Variants in ARSG observed in about 807,000 individuals in gnomAD.
The protein encoded by ARSG is ASG.
Under a neutral mutation model 50.5 loss-of-function variants are expected in ARSG, and 37 were observed. The ratio of observed to expected loss-of-function variants is 0.73; its 90% CI spans 0.56 to 0.96. ARSG has a LOEUF of 0.96. Ranked by LOEUF, ARSG falls within the 50% of genes least tolerant of loss-of-function variation. The probability of loss-of-function intolerance (pLI) is 0.00; values close to 1 mark genes in which losing one functional copy is unlikely to be tolerated. For missense variants in ARSG, 629 were observed against 675.3 expected, an observed-to-expected ratio of 0.93 and a Z score of 0.76; for synonymous variants, 225 against 254.6, an observed-to-expected ratio of 0.88 and a Z score of 1.11.
At chr17:68,382,466 A>G (rs1249560254) in intron 8 of ARSG, among the ~76,000 whole-genome samples, 1 of 152,230 alleles carries the variant, frequency 6.6e-6, no homozygotes, top group Non-Finnish European at 1.5e-5. Context: ...TGTTGTTATT[A>G]CTATTATGTT....
At chr17:68,429,879 G>T in the ARSG span, 1 of 1,472,132 alleles carries the variant, frequency 6.8e-7, no homozygotes, top group Non-Finnish European at 9.4e-7. Context: ...GTAAGCCACC[G>T]TGCCCAGCCT....
chr17:68,439,700 G>T, the ARSG span, among the ~76,000 whole-genome samples: 1 of 152,314 alleles, frequency 6.6e-6, no homozygotes, highest in Non-Finnish European at 1.5e-5. Context: ...GTTAGAGATA[G>T]GCTGAGGACA....
At chr17:68,288,283 A>C (rs561680465), upstream of ARSG, among the ~76,000 whole-genome samples, 3 of 152,284 alleles carry the variant, frequency 2.0e-5, no homozygotes, top group South Asian at 6.2e-4. Flanking sequence ...TACAGGCGTG[A>C]GCCACTGTGC....
intron 8 of ARSG, among the ~76,000 whole-genome samples, chr17:68,376,322 G>C (rs1362767091): frequency 7.0e-6 from 1 of 142,888 alleles, no homozygotes; most frequent in Non-Finnish European, 1.5e-5. Context: ...TGTTGCCCAG[G>C]CTGGAGTGCA....
chr17:68,426,136 A>G, downstream of ARSG: 1 of 1,612,002 alleles, frequency 6.2e-7, no homozygotes, highest in Non-Finnish European at 8.5e-7. Context: ...ATGTTCAGGA[A>G]TAACTTCTCC....
At chr17:68,407,232 C>T (rs1345306003) in intron 11 of ARSG, among the ~76,000 whole-genome samples, 1 of 152,018 alleles carries the variant, frequency 6.6e-6, no homozygotes, top group African/African-American at 2.4e-5. Flanking sequence ...GGTCTATGTG[C>T]CTATTTTTAT....
At chr17:68,404,780 T>C (rs1318142808) in intron 11 of ARSG, among the ~76,000 whole-genome samples, 1 of 152,202 alleles carries the variant, frequency 6.6e-6, no homozygotes, top group Non-Finnish European at 1.5e-5. Context: ...GTTGTGAAGA[T>C]TTTGTCATAT....
chr17:68,393,985 AT>A, intron 9 of ARSG, among the ~76,000 whole-genome samples: 1 of 150,908 alleles, frequency 6.6e-6, no homozygotes, highest in Non-Finnish European at 1.5e-5. Context: ...TAGAGATGGG[AT>A]TTTGCCCTAT....
Position 68,385,210 on chromosome 17 carries a change from G to C in ARSG, c.1091+38G>C, listed in dbSNP as rs190250674. Reference sequence around the variant, plus strand: ...AACTACCTTGAGATGTTGGGGCCCAGAGCAAGAAAAGTCATGGAGGCATGG... The same window carrying C: ...AACTACCTTGAGATGTTGGGGCCCACAGCAAGAAAAGTCATGGAGGCATGG... On this transcript the variant is annotated intron_variant, in intron 9 of 11. Transcript: ENST00000621439. 6 of 1,593,796 alleles carry C rather than the reference G, an allele frequency of 3.8e-6. No homozygotes were observed. In the African/African-American group the frequency reaches 6.7e-5, roughly 18 times the overall value.
chr17:68,388,591 G>A (rs537490659), intron 9 of ARSG, among the ~76,000 whole-genome samples: 5 of 152,218 alleles, frequency 3.3e-5, no homozygotes, highest in African/African-American at 9.6e-5. Context: ...GCAATTATGA[G>A]GTGACCAGAA....
intron 2 of ARSG, among the ~76,000 whole-genome samples, chr17:68,324,004 T>C (rs1421604330): frequency 7.2e-6 from 1 of 138,080 alleles, no homozygotes; most frequent in Non-Finnish European, 1.5e-5. Context: ...AACTGGGAAG[T>C]GGAGGTTGCA....
intron 5 of ARSG, among the ~76,000 whole-genome samples, chr17:68,353,487 C>CT (rs1205148456): frequency 6.6e-6 from 1 of 152,070 alleles, no homozygotes; most frequent in Admixed American, 6.6e-5. Flanking sequence ...GCACTTCACC[C>CT]TGGGTGACAG....
chr17:68,290,008 A>T (rs539117357), upstream of ARSG, among the ~76,000 whole-genome samples: 43 of 152,296 alleles, frequency 2.8e-4, no homozygotes, highest in African/African-American at 8.9e-4. Context: ...GGACATGGGG[A>T]GATGCATGGT....
intron 2 of ARSG, among the ~76,000 whole-genome samples, chr17:68,331,241 C>A (rs62087159): frequency 1.2e-5 from 1 of 82,546 alleles, no homozygotes; most frequent in Non-Finnish European, 2.7e-5. Flanking sequence ...TTGTTTCTTT[C>A]TTTCTTTCTT....
chr17:68,364,218 T>C (rs1405558777), intron 6 of ARSG, among the ~76,000 whole-genome samples: 2 of 152,118 alleles, frequency 1.3e-5, no homozygotes. Context: ...ATCTTACTTG[T>C]TTTTTTCCTT....
chr17:68,376,336 G>A (rs2080151493), intron 8 of ARSG, among the ~76,000 whole-genome samples: 1 of 147,818 alleles, frequency 6.8e-6, no homozygotes, highest in African/African-American at 2.5e-5. Context: ...GAGTGCAGTG[G>A]CATCATTACA....
the ARSG span, among the ~76,000 whole-genome samples, chr17:68,447,061 G>A: frequency 6.6e-6 from 1 of 152,140 alleles, no homozygotes. Flanking sequence ...TCAGCTCCTT[G>A]TCTGTTGCTT....
intron 5 of ARSG, among the ~76,000 whole-genome samples, chr17:68,355,850 A>G (rs2079010694): frequency 6.6e-6 from 1 of 152,012 alleles, no homozygotes; most frequent in Non-Finnish European, 1.5e-5. Flanking sequence ...TAAAATTAAA[A>G]TTGTCCCAAC....
At chr17:68,377,027 A>G (rs1226434859) in intron 8 of ARSG, among the ~76,000 whole-genome samples, 3 of 151,902 alleles carry the variant, frequency 2.0e-5, no homozygotes, top group Non-Finnish European at 4.4e-5. Flanking sequence ...ACCCGCCACC[A>G]TGTCTGGTAT....
Sources: gnomAD v4.1 joint callset for allele counts (sites outside exome capture counted in the v4.1 genomes callset) on GRCh38, gnomAD v4.1.1 for gene constraint, MANE v1.5 for transcripts, NCBI Gene and HGNC (gene_info 2026-07-23, HGNC 2026-07-21) for gene names.